Variants in GSPT1 observed in about 807,000 individuals in gnomAD.
GSPT1 encodes eukaryotic peptide chain release factor GTP-binding subunit ERF3A.
GSPT1 carries 20 observed loss-of-function variants against 72.5 expected under a neutral mutation model. The ratio of observed to expected loss-of-function variants is 0.28; its 90% CI spans 0.19 to 0.40. The LOEUF (loss-of-function observed/expected upper bound fraction) is 0.40. GSPT1 is among the 10% of genes least tolerant of loss of function. The pLI, the probability that GSPT1 is intolerant of heterozygous loss-of-function variation, is 1.00. For missense variants in GSPT1, 580 were observed against 811.9 expected, an observed-to-expected ratio of 0.71 and a Z score of 3.47; for synonymous variants, 334 against 293.5, an observed-to-expected ratio of 1.14 and a Z score of -1.41.
chr16:11,894,083 G>A (rs1317748409), intron 5 of GSPT1, among the ~76,000 whole-genome samples: 2 of 137,292 alleles, frequency 1.5e-5, no homozygotes, highest in African/African-American at 5.3e-5. Context: ...TTGAGTCCAG[G>A]AGGTCGAGGC....
chr16:11,876,962 T>A (rs1340468352), intron 12 of GSPT1, among the ~76,000 whole-genome samples: 3 of 152,172 alleles, frequency 2.0e-5, no homozygotes, highest in African/African-American at 7.2e-5. Flanking sequence ...AAAAGAACTT[T>A]AAAAAATTCT....
At chr16:11,916,076 C>T (rs2054634471), upstream of GSPT1, 1 of 538,632 alleles carries the variant, frequency 1.9e-6, no homozygotes, top group East Asian at 5.1e-5. Context: ...TGGCCGCCCC[C>T]GTTTCCGGCT....
At chr16:11,916,414 G>C (rs1438514049), upstream of GSPT1, among the ~76,000 whole-genome samples, 3 of 152,200 alleles carry the variant, frequency 2.0e-5, no homozygotes, top group Non-Finnish European at 4.4e-5. Flanking sequence ...ATAACATGGG[G>C]AAGAAAAATA....
intron 7 of GSPT1, among the ~76,000 whole-genome samples, chr16:11,887,282 A>G (rs1256191626): frequency 6.6e-6 from 1 of 152,126 alleles, no homozygotes; most frequent in Non-Finnish European, 1.5e-5. Flanking sequence ...TTTCCTATTC[A>G]TTTTTTACCC....
chr16:11,898,471 G>T (rs2141304837), intron 1 of GSPT1, among the ~76,000 whole-genome samples: 1 of 117,194 alleles, frequency 8.5e-6, no homozygotes. Context: ...TTGAGACTGA[G>T]TTTCACTCTT....
chr16:11,880,497 A>G (rs1421457294), intron 11 of GSPT1, among the ~76,000 whole-genome samples: 1 of 152,206 alleles, frequency 6.6e-6, no homozygotes, highest in South Asian at 2.1e-4. Flanking sequence ...CTTTCCAAAA[A>G]AAAGTTTTTA....
intron 5 of GSPT1, among the ~76,000 whole-genome samples, chr16:11,892,926 T>C (rs978457319): frequency 1.3e-5 from 2 of 149,080 alleles, no homozygotes; most frequent in East Asian, 4.0e-4. Context: ...CAAGTAATCA[T>C]GACTAATTTC....
chr16:11,894,985 C>T lies in GSPT1; in HGVS notation c.667G>A (p.Ala223Thr). 1 of 1,588,808 alleles carries T rather than the reference C, an allele frequency of 6.3e-7. No individual in the cohort carries two copies. Among genetic ancestry groups the T allele is most frequent in the Non-Finnish European group, 8.6e-7 (1 of 1,163,128 alleles). ...VNVVFIGHVD[A>T]GKSTIGGQIM... ...TGTCCTCCAATGGTTGACTTGCCAG[C>T]ATCTAAAAGTAACATCAACATGCAA... Residue 223 changes from alanine (A) to threonine (T), a missense_variant and splice_region_variant, in exon 5 of 15, where the codon GCT becomes ACT. Ala to Thr is a moderately conservative substitution (Grantham distance 58). Coordinates refer to ENST00000434724, the MANE Select transcript of GSPT1 (RefSeq NM_002094.4).
chr16:11,893,762 G>C (rs2054299421), intron 5 of GSPT1, among the ~76,000 whole-genome samples: 1 of 152,110 alleles, frequency 6.6e-6, no homozygotes, highest in South Asian at 2.1e-4. Context: ...ATATGGCTGT[G>C]ACACTTCAAC....
intron 1 of GSPT1, chr16:11,915,154 C>A: frequency 9.7e-7 from 1 of 1,032,508 alleles, no homozygotes. Context: ...TCTTTGGGCG[C>A]GCTGCCCGCT....
chr16:11,873,048 GA>G lies in GSPT1; in HGVS notation c.*70del. 1.2e-6 allele frequency: 1 copy of G among 815,658 alleles called. No individual in the cohort carries two copies. The allele number at this position is 815,658 out of a possible 1,614,324, so 50.5% of individuals were successfully genotyped here. A position where few individuals can be genotyped will look rare whatever the true frequency, so the allele number is the denominator to read the frequency against. ...GTTTATCAATGGGCAGAAAATAAGA[GA>G]AGGCGGTGTGAAGTAGGCTTCTGCA... On this transcript the variant is annotated 3_prime_UTR_variant, in exon 15 of 15. Transcript: ENST00000434724.
intron 1 of GSPT1, chr16:11,908,790 A>AG (rs2054521647): frequency 9.6e-6 from 1 of 103,850 alleles, no homozygotes; most frequent in African/African-American, 3.0e-5. Context: ...AAAAAAAAAA[A>AG]AATACAAAAA....
intron 11 of GSPT1, among the ~76,000 whole-genome samples, chr16:11,878,779 T>A (rs2054080167): frequency 6.6e-6 from 1 of 151,866 alleles, no homozygotes; most frequent in Non-Finnish European, 1.5e-5. Flanking sequence ...ACTACATCAA[T>A]AATGCTATGC....
chr16:11,878,581 G>A (rs1244787559), intron 11 of GSPT1, among the ~76,000 whole-genome samples: 4 of 145,106 alleles, frequency 2.8e-5, no homozygotes, highest in African/African-American at 5.2e-5. Context: ...GTGACACAGC[G>A]AGACCCTGTC....
At chr16:11,910,232 A>G (rs536351094) in intron 1 of GSPT1, among the ~76,000 whole-genome samples, 6 of 152,352 alleles carry the variant, frequency 3.9e-5, no homozygotes, top group African/African-American at 1.4e-4. Context: ...CAGATAATAG[A>G]TAAATCTTTA....
At chr16:11,915,246 G>GGCGCCACTGTCA (rs1194506036) in intron 1 of GSPT1, 123 bp downstream of exon 1, 1 of 1,169,288 alleles carries the variant, frequency 8.6e-7, no homozygotes, top group Non-Finnish European at 1.1e-6. Context: ...CCAGGCAGAC[G>GGCGCCACTGTCA]GCGCCACTGT....
At chr16:11,911,149 C>T (rs536284061) in intron 1 of GSPT1, among the ~76,000 whole-genome samples, 1 of 152,202 alleles carries the variant, frequency 6.6e-6, no homozygotes, top group Non-Finnish European at 1.5e-5. Flanking sequence ...TTCTCAAATA[C>T]AGAATCTTAC....
At chr16:11,892,184 T>C (rs903734587) in intron 5 of GSPT1, among the ~76,000 whole-genome samples, 3 of 149,180 alleles carry the variant, frequency 2.0e-5, no homozygotes, top group Admixed American at 6.7e-5. Flanking sequence ...TCCACATAAA[T>C]ATTAAAAAAT....
chr16:11,878,381 T>G (rs2054074156), intron 11 of GSPT1, among the ~76,000 whole-genome samples: 1 of 152,096 alleles, frequency 6.6e-6, no homozygotes, highest in South Asian at 2.1e-4. Context: ...CCTCCCAAAG[T>G]GCTCAGATTA....
Sources: gnomAD v4.1 joint callset for allele counts (sites outside exome capture counted in the v4.1 genomes callset) on GRCh38, gnomAD v4.1.1 for gene constraint, MANE v1.5 for transcripts, NCBI Gene and HGNC (gene_info 2026-07-23, HGNC 2026-07-21) for gene names.